NXPH3: variants seen among roughly 807,000 people sequenced by gnomAD.
NXPH3 encodes the protein neurexophilin 3, also known as neurexophilin-3.
In NXPH3, 7 loss-of-function variants were observed where a neutral mutation model predicts 18.8. The ratio of observed to expected loss-of-function variants is 0.37; its 90% CI spans 0.21 to 0.70. The LOEUF is 0.70. Among genes scored for constraint, NXPH3 ranks in the 30% least tolerant of loss-of-function variants. The pLI, the probability that NXPH3 is intolerant of heterozygous loss-of-function variation, is 0.53. For synonymous variants in NXPH3, 101 were observed against 137.3 expected, an observed-to-expected ratio of 0.74 and a Z score of 1.85; for missense variants, 282 against 338.1, an observed-to-expected ratio of 0.83 and a Z score of 1.30.
In NXPH3 at chr17:49,578,192, G is replaced by A. The variant is rs1443383096; in HGVS notation, c.55-404G>A. 6.6e-6 allele frequency among the ~76,000 whole-genome samples: 1 copy of A among 152,160 alleles called. No homozygotes were observed. The highest frequency in any genetic ancestry group is 1.5e-5 in the Non-Finnish European group (1 of 68,022). On this transcript the variant is annotated intron_variant, in intron 1 of 1. Coordinates refer to ENST00000328741, the MANE Select transcript of NXPH3 (RefSeq NM_007225.4). This position sits in a 1 kb window ranked among gnomAD's most constrained non-coding sequence, Gnocchi z 4.5. ...AGGGATTCTACTTCCTATCAAATTGGGGGCTCTGTCAGCACAGGGATGATG... is the reference window on the plus strand; with the variant it reads ...AGGGATTCTACTTCCTATCAAATTGAGGGCTCTGTCAGCACAGGGATGATG...
rs2071604348 is a variant in NXPH3, at chr17:49,582,215, C to T, written c.*2915C>T. The stretch of plus-strand genomic sequence containing the variant: ...GCCCCCCCACCATCACGACGAAGTG[C>T]GCTGGCCTCCCACTCTTGCCATGCA... On this transcript the variant is annotated 3_prime_UTR_variant, in exon 2 of 2. Coordinates refer to ENST00000328741, the MANE Select transcript of NXPH3 (RefSeq NM_007225.4). 6.1e-6 allele frequency: 2 copies of T among 330,542 alleles called. No homozygotes were observed. Among genetic ancestry groups the T allele is most frequent in the South Asian group, 6.5e-5 (1 of 15,472 alleles). The allele number at this position is 330,542 out of a possible 1,614,324, so 20.5% of individuals were successfully genotyped here.
chr17:49,582,061 G>T lies in NXPH3; in HGVS notation c.*2761G>T. ...CTTAATTCTTTGGAATAGCCCTCTG[G>T]TCCCTACTGTTCTTGCCAGATACTT... On this transcript the variant is annotated 3_prime_UTR_variant, in exon 2 of 2. Transcript: ENST00000328741. The T allele has an allele frequency of 1.7e-6, 1 of 583,756 alleles. No homozygotes were observed. The highest frequency in any genetic ancestry group is 3.0e-6 in the Non-Finnish European group (1 of 330,482). 36.2% of individuals were successfully genotyped at this position (583,756 alleles called of 1,614,324 possible).
chr17:49,579,277 AC>A lies in NXPH3; in HGVS notation c.741del (p.Tyr248ThrfsTer76), dbSNP rs751509385. 5 of 1,597,756 alleles carry A rather than the reference AC, an allele frequency of 3.1e-6. No homozygotes were observed. The South Asian group carries it at 5.5e-5, about 18-fold the overall frequency. ...VCPDYNYHSD[T>X]PYYPSG Reference sequence around the variant, plus strand: ...CCCAGATTACAACTACCATAGTGATACCCCCTACTACCCATCTGGGTGACCC... The same window carrying A: ...CCCAGATTACAACTACCATAGTGATACCCCTACTACCCATCTGGGTGACCC... On this transcript the variant is annotated frameshift_variant, in exon 2 of 2. Coordinates refer to ENST00000328741, the MANE Select transcript of NXPH3 (RefSeq NM_007225.4). LOFTEE classifies it high-confidence loss of function. This position sits in a 1 kb window ranked among gnomAD's most constrained non-coding sequence, Gnocchi z 6.0.
intron 1 of NXPH3, among the ~76,000 whole-genome samples, chr17:49,576,964 C>A (rs1345555111): frequency 2.0e-5 from 3 of 152,078 alleles, no homozygotes; most frequent in Non-Finnish European, 4.4e-5. Flanking sequence ...TGGCTTAACT[C>A]CCCTCCGACC....
Position 49,581,469 on chromosome 17 carries a change from T to C in NXPH3, c.*2169T>C. 3.2e-6 allele frequency: 2 copies of C among 617,106 alleles called. No homozygotes were observed. Among genetic ancestry groups the C allele is most frequent in the Non-Finnish European group, 5.8e-6 (2 of 342,726 alleles). 38.2% of individuals were successfully genotyped at this position (617,106 alleles called of 1,614,324 possible). A position where few individuals can be genotyped will look rare whatever the true frequency, so the allele number is the denominator to read the frequency against. The stretch of plus-strand genomic sequence containing the variant: ...TCCGCGCAAACTGGTCCCCTCATAC[T>C]GCAGCGCAGAGTTGGGTGGGGCTGA... On this transcript the variant is annotated 3_prime_UTR_variant, in exon 2 of 2. Coordinates refer to ENST00000328741, the MANE Select transcript of NXPH3 (RefSeq NM_007225.4).
intron 1 of NXPH3, among the ~76,000 whole-genome samples, chr17:49,577,568 G>A (rs561941876): frequency 6.6e-6 from 1 of 152,192 alleles, no homozygotes; most frequent in Non-Finnish European, 1.5e-5. Context: ...AGCTGATCCA[G>A]CAGAGGGAGG....
In NXPH3 at chr17:49,576,288, G is replaced by A; in HGVS notation, c.54+15G>A. ...GCCTCTATCTGGTGAGTGGTCCGAGGGGAGCTGCGCAGAGGGGCGGGGGCC... is the reference window on the plus strand; with the variant it reads ...GCCTCTATCTGGTGAGTGGTCCGAGAGGAGCTGCGCAGAGGGGCGGGGGCC... On this transcript the variant is annotated intron_variant, in intron 1 of 1. Transcript: ENST00000328741. The A allele has an allele frequency of 1.3e-6, 2 of 1,562,894 alleles. No individual in the cohort carries two copies. The highest frequency in any genetic ancestry group is 2.4e-5 in the East Asian group (1 of 41,966).
At position 49,579,407 on chromosome 17, in the gene NXPH3, G is replaced by C. The variant is rs1482241114; in HGVS notation, c.*107G>C. The C allele has an allele frequency of 2.0e-6, 2 of 981,122 alleles. No individual in the cohort carries two copies. The highest frequency in any genetic ancestry group is 1.6e-5 in the African/African-American group (1 of 61,524). 60.8% of individuals were successfully genotyped at this position (981,122 alleles called of 1,614,324 possible). A position where few individuals can be genotyped will look rare whatever the true frequency, so the allele number is the denominator to read the frequency against. ...GAAGGGGTTGGGCCTCAGGCAGGGAGGGGGGTGGAGACGAGGAGATGCCAA... is the reference window on the plus strand; with the variant it reads ...GAAGGGGTTGGGCCTCAGGCAGGGACGGGGGTGGAGACGAGGAGATGCCAA... On this transcript the variant is annotated 3_prime_UTR_variant, in exon 2 of 2. Transcript: ENST00000328741. This position sits in a 1 kb window ranked among gnomAD's most constrained non-coding sequence, Gnocchi z 6.0.
chr17:49,578,626 G>T lies in NXPH3; in HGVS notation c.85G>T (p.Gly29Cys). 1 of 1,580,950 alleles carries T rather than the reference G, an allele frequency of 6.3e-7. No individual in the cohort carries two copies. The highest frequency in any genetic ancestry group is 2.2e-5 in the East Asian group (1 of 44,648). ...CTGTGGCCAGGATGATGGTCCTCCC[G>T]GCTCAGAGGACCCTGAGCGTGATGA... ...VICGQDDGPPGSEDPERDDHE... is the reference protein window; with the variant it reads ...VICGQDDGPPCSEDPERDDHE... Residue 29 changes from glycine to cysteine, a missense_variant, in exon 2 of 2, where the codon GGC becomes TGC. Transcript: ENST00000328741. The surrounding 1 kb of genome is among the most constrained non-coding windows in gnomAD (Gnocchi z 4.5).
Position 49,582,940 on chromosome 17 carries a change from C to G in NXPH3, c.*3640C>G, listed in dbSNP as rs1196738772. Reference sequence around the variant, plus strand: ...TCTAGGTCCCTTCCCCCCCTTCCCCCCTTCCCTTTCCTGGGATGAGCAAGC... The same window carrying G: ...TCTAGGTCCCTTCCCCCCCTTCCCCGCTTCCCTTTCCTGGGATGAGCAAGC... On this transcript the variant is annotated 3_prime_UTR_variant, in exon 2 of 2. Coordinates refer to ENST00000328741, the MANE Select transcript of NXPH3 (RefSeq NM_007225.4). 1.3e-5 allele frequency: 2 copies of G among 152,344 alleles called. No homozygotes were observed. The highest frequency in any genetic ancestry group is 2.1e-4 in the South Asian group (1 of 4,830). 9.4% of individuals were successfully genotyped at this position (152,344 alleles called of 1,614,324 possible). A position where few individuals can be genotyped will look rare whatever the true frequency, so the allele number is the denominator to read the frequency against.
At position 49,579,396 on chromosome 17, in the gene NXPH3, T is replaced by A; in HGVS notation, c.*96T>A. 9.1e-7 allele frequency: 1 copy of A among 1,102,916 alleles called. No individual in the cohort carries two copies. The highest frequency in any genetic ancestry group is 1.3e-6 in the Non-Finnish European group (1 of 776,316). 68.3% of individuals were successfully genotyped at this position (1,102,916 alleles called of 1,614,324 possible). A position where few individuals can be genotyped will look rare whatever the true frequency, so the allele number is the denominator to read the frequency against. On this transcript the variant is annotated 3_prime_UTR_variant, in exon 2 of 2. Transcript: ENST00000328741. The surrounding 1 kb of genome is among the most constrained non-coding windows in gnomAD (Gnocchi z 6.0). ...CACCGGGCAGGGAAGGGGTTGGGCC[T>A]CAGGCAGGGAGGGGGGTGGAGACGA...
rs571718720 is a variant in NXPH3 at position 49,578,108 on chromosome 17, G to A, written c.55-488G>A. ...AGAATGGTGCTTCCCTGTCTGACTCGGGGCTGTTTCAGAGCAGAGATTATG... is the reference window on the plus strand; with the variant it reads ...AGAATGGTGCTTCCCTGTCTGACTCAGGGCTGTTTCAGAGCAGAGATTATG... On this transcript the variant is annotated intron_variant, in intron 1 of 1. Transcript: ENST00000328741. This position sits in a 1 kb window ranked among gnomAD's most constrained non-coding sequence, Gnocchi z 4.5. 6.5e-6 allele frequency: 1 copy of A among 154,540 alleles called. No individual in the cohort carries two copies. Among genetic ancestry groups the A allele is most frequent in the South Asian group, 2.1e-4 (1 of 4,842 alleles). 9.6% of individuals were successfully genotyped at this position (154,540 alleles called of 1,614,324 possible).
Position 49,581,804 on chromosome 17 carries a change from G to T in NXPH3, c.*2504G>T. ...GGCTGAACTCTCAGCAGGCACTGGG[G>T]GCACTTTGACCCCCCTCCTGCTCCT... On this transcript the variant is annotated 3_prime_UTR_variant, in exon 2 of 2. Transcript: ENST00000328741. The T allele has an allele frequency of 1.4e-6, 1 of 701,840 alleles. No homozygotes were observed. The highest frequency in any genetic ancestry group is 2.6e-6 in the Non-Finnish European group (1 of 384,680). 43.5% of individuals were successfully genotyped at this position (701,840 alleles called of 1,614,324 possible).
chr17:49,581,271 T>C lies in NXPH3; in HGVS notation c.*1971T>C, dbSNP rs1442647928. 8.1e-6 allele frequency: 3 copies of C among 368,678 alleles called. No individual in the cohort carries two copies. The highest frequency in any genetic ancestry group is 2.1e-5 in the African/African-American group (1 of 48,468). The allele number at this position is 368,678 out of a possible 1,614,324, so 22.8% of individuals were successfully genotyped here. A position where few individuals can be genotyped will look rare whatever the true frequency, so the allele number is the denominator to read the frequency against. On this transcript the variant is annotated 3_prime_UTR_variant, in exon 2 of 2. Transcript: ENST00000328741. ...GAGTTAGTTGGGCCCTTTGGGACTC[T>C]GTGAAGGGAAGACACTACCAAGGTC...
Position 49,581,521 on chromosome 17 carries a change from G to A in NXPH3, c.*2221G>A, listed in dbSNP as rs1006043677. The A allele has an allele frequency of 1.5e-6, 1 of 655,330 alleles. No individual in the cohort carries two copies. The highest frequency in any genetic ancestry group is 2.8e-6 in the Non-Finnish European group (1 of 359,734). 40.6% of individuals were successfully genotyped at this position (655,330 alleles called of 1,614,324 possible). A position where few individuals can be genotyped will look rare whatever the true frequency, so the allele number is the denominator to read the frequency against. ...AAGCCATCTGGTTACAGCCCACCTT[G>A]TAGGAAATGACCCAGCTTGTTTCCC... On this transcript the variant is annotated 3_prime_UTR_variant, in exon 2 of 2. Transcript: ENST00000328741.
chr17:49,576,318 G>A (rs2071570884), intron 1 of NXPH3, 45 bp downstream of exon 1: 1 of 1,545,902 alleles, frequency 6.5e-7, no homozygotes, highest in South Asian at 1.2e-5. Flanking sequence ...GGGGCCCGGA[G>A]GATCGGGGGA....
chr17:49,582,222 C>T lies in NXPH3; in HGVS notation c.*2922C>T. On this transcript the variant is annotated 3_prime_UTR_variant, in exon 2 of 2. Transcript: ENST00000328741. ...CACCATCACGACGAAGTGCGCTGGCCTCCCACTCTTGCCATGCACACACTC... is the reference window on the plus strand; with the variant it reads ...CACCATCACGACGAAGTGCGCTGGCTTCCCACTCTTGCCATGCACACACTC... 6.3e-6 allele frequency: 2 copies of T among 319,494 alleles called. No individual in the cohort carries two copies. The highest frequency in any genetic ancestry group is 1.2e-5 in the Non-Finnish European group (2 of 173,790). The allele number at this position is 319,494 out of a possible 1,614,324, so 19.8% of individuals were successfully genotyped here. A position where few individuals can be genotyped will look rare whatever the true frequency, so the allele number is the denominator to read the frequency against.
chr17:49,577,187 A>G (rs2143036541), intron 1 of NXPH3, among the ~76,000 whole-genome samples: 1 of 152,028 alleles, frequency 6.6e-6, no homozygotes, highest in East Asian at 1.9e-4. Flanking sequence ...CCAGACCCCG[A>G]GCCTCCCGTC....
In NXPH3 at chr17:49,582,608, G is replaced by A. The variant is rs2071606463; in HGVS notation, c.*3308G>A. ...ATGTCAGGGGCTGGATGGCCCCTTA[G>A]ACTGGGGGTCCCTGAGGGCAGAAGC... On this transcript the variant is annotated 3_prime_UTR_variant, in exon 2 of 2. Coordinates refer to ENST00000328741, the MANE Select transcript of NXPH3 (RefSeq NM_007225.4). 6.6e-6 allele frequency: 1 copy of A among 152,322 alleles called. No homozygotes were observed. Among genetic ancestry groups the A allele is most frequent in the South Asian group, 2.1e-4 (1 of 4,830 alleles). 9.4% of individuals were successfully genotyped at this position (152,322 alleles called of 1,614,324 possible). A position where few individuals can be genotyped will look rare whatever the true frequency, so the allele number is the denominator to read the frequency against.
Sources: gnomAD v4.1 joint callset for allele counts (sites outside exome capture counted in the v4.1 genomes callset) on GRCh38, gnomAD v4.1.1 for gene constraint, Gnocchi (gnomAD v3.1) non-coding constraint, MANE v1.5 for transcripts, NCBI Gene and HGNC (gene_info 2026-07-23, HGNC 2026-07-21) for gene names.